Variants in SUPT3H observed in about 807,000 individuals in gnomAD.
SUPT3H encodes SPT3 homolog, SAGA and STAGA complex component, also known as transcription initiation protein SPT3 homolog.
A neutral mutation model predicts 44.3 loss-of-function variants in SUPT3H; 44 were observed. The ratio of observed to expected loss-of-function variants is 0.99; its 90% CI spans 0.78 to 1.28. The LOEUF is 1.28. Ranked by LOEUF, SUPT3H falls within the 50% of genes most tolerant of loss-of-function variation. SUPT3H has a pLI of 0.00. For missense variants in SUPT3H, 380 were observed against 387.1 expected (o/e 0.98, Z 0.15); for synonymous variants, 124 against 125.6 (o/e 0.99, Z 0.09).
At chr6:45,281,733 G>C (rs1262949372) in intron 2 of SUPT3H, among the ~76,000 whole-genome samples, 2 of 152,152 alleles carry the variant, frequency 1.3e-5, no homozygotes, top group East Asian at 1.9e-4. Flanking sequence ...TGACAGCTTT[G>C]AAGAGAGTGG....
At chr6:45,331,951 G>A (rs1414995638) in intron 2 of SUPT3H, among the ~76,000 whole-genome samples, 1 of 151,954 alleles carries the variant, frequency 6.6e-6, no homozygotes, top group African/African-American at 2.4e-5. Flanking sequence ...AATATTTGAT[G>A]GTTAAATAAA....
chr6:45,245,397 T>C (rs1023895406), intron 2 of SUPT3H, among the ~76,000 whole-genome samples: 4 of 152,026 alleles, frequency 2.6e-5, no homozygotes, highest in Non-Finnish European at 5.9e-5. Flanking sequence ...TAACCAGAAA[T>C]TTTCTATCAT....
intron 6 of SUPT3H, among the ~76,000 whole-genome samples, chr6:44,972,299 A>T (rs1777691872): frequency 6.6e-6 from 1 of 152,176 alleles, no homozygotes; most frequent in Non-Finnish European, 1.5e-5. Flanking sequence ...TAAGTCCAAA[A>T]TCCAGTGGGG....
chr6:45,239,339 T>C (rs1478752230), intron 2 of SUPT3H, among the ~76,000 whole-genome samples: 1 of 152,238 alleles, frequency 6.6e-6, no homozygotes, highest in Non-Finnish European at 1.5e-5. Context: ...GCTGATTGCC[T>C]AGTTGCTACT....
chr6:45,302,514 A>AATATATATATATATAT (rs10524207), intron 2 of SUPT3H, among the ~76,000 whole-genome samples: 4 of 105,390 alleles, frequency 3.8e-5, no homozygotes, highest in Non-Finnish European at 7.8e-5. Context: ...GTATCTCAGG[A>AATATATATATATATAT]ATATATATAT....
chr6:45,155,338 T>C (rs923705179), intron 2 of SUPT3H, among the ~76,000 whole-genome samples: 2 of 152,082 alleles, frequency 1.3e-5, no homozygotes, highest in South Asian at 2.1e-4. Context: ...GGTGAACTAG[T>C]GTCCTAAAGA....
chr6:44,874,874 C>T (rs143816940), intron 10 of SUPT3H, among the ~76,000 whole-genome samples: 17,333 of 147,214 alleles, frequency 0.12, 1,405 homozygotes, highest in African/African-American at 0.19. Context: ...AACAGAGAGG[C>T]AAATCACGAG....
chr6:45,167,356 G>C (rs1810058244), intron 2 of SUPT3H, among the ~76,000 whole-genome samples: 1 of 152,190 alleles, frequency 6.6e-6, no homozygotes, highest in Non-Finnish European at 1.5e-5. Flanking sequence ...TGGCTCCACT[G>C]CTCTGAATGG....
chr6:45,099,953 C>T (rs1367864976), intron 3 of SUPT3H, among the ~76,000 whole-genome samples: 1 of 152,022 alleles, frequency 6.6e-6, no homozygotes, highest in African/African-American at 2.4e-5. Flanking sequence ...TCCCACATAT[C>T]AGAACAAAGA....
At chr6:44,854,100 C>T (rs752294832) in intron 10 of SUPT3H, among the ~76,000 whole-genome samples, 1 of 152,012 alleles carries the variant, frequency 6.6e-6, no homozygotes, top group African/African-American at 2.4e-5. Context: ...ATATCACTGC[C>T]ATGACATTCA....
intron 2 of SUPT3H, among the ~76,000 whole-genome samples, chr6:45,362,629 C>T (rs991271003): frequency 4.6e-5 from 7 of 151,272 alleles, no homozygotes; most frequent in African/African-American, 1.7e-4. Flanking sequence ...TTCCTAAGGG[C>T]AAAAAAAATA....
At chr6:45,006,181 C>A (rs1409123826) in intron 5 of SUPT3H, among the ~76,000 whole-genome samples, 2 of 152,042 alleles carry the variant, frequency 1.3e-5, no homozygotes, top group East Asian at 1.9e-4. Flanking sequence ...ATTTATTTAC[C>A]ATTTATTTGT....
intron 2 of SUPT3H, among the ~76,000 whole-genome samples, chr6:45,211,009 C>T (rs959045538): frequency 1.3e-5 from 2 of 152,178 alleles, no homozygotes; most frequent in African/African-American, 4.8e-5. Flanking sequence ...GTTTTCCACC[C>T]AGTGACTTTC....
At chr6:45,017,667 G>A (rs1473671883) in intron 4 of SUPT3H, among the ~76,000 whole-genome samples, 202 of 148,168 alleles carry the variant, frequency 1.4e-3, no homozygotes, top group East Asian at 7.1e-3. Context: ...GATATGCAGC[G>A]TTATTTCTGA....
At chr6:45,144,579 C>T (rs914114605) in intron 2 of SUPT3H, among the ~76,000 whole-genome samples, 1 of 151,944 alleles carries the variant, frequency 6.6e-6, no homozygotes, top group African/African-American at 2.4e-5. Context: ...AAAGAATTAT[C>T]CCGAGAAATG....
At chr6:45,147,592 G>C (rs1007995463) in intron 2 of SUPT3H, among the ~76,000 whole-genome samples, 1 of 151,982 alleles carries the variant, frequency 6.6e-6, no homozygotes, top group Non-Finnish European at 1.5e-5. Context: ...AGACAAATAT[G>C]ATCCAGACAT....
At chr6:45,159,818 ACAGTT>A (rs2153600564) in intron 2 of SUPT3H, among the ~76,000 whole-genome samples, 1 of 152,300 alleles carries the variant, frequency 6.6e-6, no homozygotes, top group African/African-American at 2.4e-5. Flanking sequence ...TTAATAAATT[ACAGTT>A]CAGTTATGTC....
At chr6:45,063,440 C>G (rs1294757593) in intron 3 of SUPT3H, among the ~76,000 whole-genome samples, 1 of 148,816 alleles carries the variant, frequency 6.7e-6, no homozygotes, top group African/African-American at 2.5e-5. Context: ...TCACCAGCAA[C>G]GGAACAAAGC....
chr6:45,249,376 T>A (rs932647616), intron 2 of SUPT3H, among the ~76,000 whole-genome samples: 7 of 151,950 alleles, frequency 4.6e-5, no homozygotes, highest in Non-Finnish European at 8.8e-5. Context: ...TTAACTCTTC[T>A]CTGTACTAAA....
Sources: gnomAD v4.1 joint callset for allele counts (sites outside exome capture counted in the v4.1 genomes callset) on GRCh38, gnomAD v4.1.1 for gene constraint, MANE v1.5 for transcripts, NCBI Gene and HGNC (gene_info 2026-07-23, HGNC 2026-07-21) for gene names.